The following RABGAP1L variants were observed in gnomAD, a reference collection of about 807,000 sequenced individuals.
RABGAP1L encodes rab GTPase-activating protein 1-like.
A neutral mutation model predicts 137.7 loss-of-function variants in RABGAP1L; 63 were observed. The observed-to-expected ratio is 0.46, with a 90% CI of 0.37 to 0.56. The LOEUF (loss-of-function observed/expected upper bound fraction) is 0.56. Among genes scored for constraint, RABGAP1L ranks in the 20% least tolerant of loss-of-function variants. The probability of loss-of-function intolerance (pLI) is 0.00; values close to 1 mark genes in which losing one functional copy is unlikely to be tolerated. For missense variants in RABGAP1L, 1,095 were observed against 1,244.0 expected, an observed-to-expected ratio of 0.88 and a Z score of 1.80; for synonymous variants, 431 against 433.7, an observed-to-expected ratio of 0.99 and a Z score of 0.08.
intron 13 of RABGAP1L, among the ~76,000 whole-genome samples, chr1:174,433,905 A>G (rs758106924): frequency 6.6e-6 from 1 of 152,160 alleles, no homozygotes; most frequent in Non-Finnish European, 1.5e-5. Flanking sequence ...TTACATGCAA[A>G]TGCCATCTCA....
chr1:174,516,144 C>CT (rs1662819403), intron 13 of RABGAP1L, among the ~76,000 whole-genome samples: 1 of 143,552 alleles, frequency 7.0e-6, no homozygotes, highest in Non-Finnish European at 1.6e-5. Context: ...CACACACACA[C>CT]ACACACACAC....
intron 19 of RABGAP1L, among the ~76,000 whole-genome samples, chr1:174,895,876 T>C (rs1657069200): frequency 1.3e-5 from 2 of 152,236 alleles, no homozygotes. Flanking sequence ...AGGTCTTTGC[T>C]ATTGTGAATA....
At position 174,633,060 on chromosome 1, in the gene RABGAP1L, G is replaced by T. The variant is rs565134568; in HGVS notation, c.1711-4315G>T. On this transcript the variant is annotated intron_variant, in intron 13 of 25. Transcript: ENST00000681986. ...CAGTCAGGCAGGAGAAGGAAATAAAGGGTATTCAATTAGGAAAAGAGGAAG... is the reference window on the plus strand; with the variant it reads ...CAGTCAGGCAGGAGAAGGAAATAAATGGTATTCAATTAGGAAAAGAGGAAG... Among the ~76,000 whole-genome samples the T allele has an allele frequency of 1.3e-3, 203 of 152,138 alleles. 1 individual carries two copies. Among genetic ancestry groups the T allele is most frequent in the African/African-American group, 4.6e-3 (191 of 41,476 alleles).
intron 13 of RABGAP1L, among the ~76,000 whole-genome samples, chr1:174,585,846 T>C (rs145763138): frequency 6.6e-6 from 1 of 152,304 alleles, no homozygotes; most frequent in Non-Finnish European, 1.5e-5. Context: ...GAAAATTGTT[T>C]CAAAGGAAGT....
intron 19 of RABGAP1L, among the ~76,000 whole-genome samples, chr1:174,834,188 A>T (rs1325637070): frequency 6.6e-6 from 1 of 152,168 alleles, no homozygotes; most frequent in African/African-American, 2.4e-5. Context: ...GCACTTTGGG[A>T]GGCCAAGGCG....
intron 13 of RABGAP1L, among the ~76,000 whole-genome samples, chr1:174,510,252 C>T (rs1421196050): frequency 6.6e-6 from 1 of 152,116 alleles, no homozygotes; most frequent in East Asian, 1.9e-4. Context: ...TGTTATTTTC[C>T]ATCCATATGT....
intron 19 of RABGAP1L, among the ~76,000 whole-genome samples, chr1:174,901,242 T>C (rs1031412123): frequency 6.6e-6 from 1 of 152,222 alleles, no homozygotes; most frequent in African/African-American, 2.4e-5. Flanking sequence ...TATGTATTAA[T>C]TCGTTCTCAC....
At chr1:174,913,014 C>T (rs1314361858) in intron 19 of RABGAP1L, among the ~76,000 whole-genome samples, 4 of 150,484 alleles carry the variant, frequency 2.7e-5, no homozygotes, top group South Asian at 2.1e-4. Context: ...CTCACTCTGT[C>T]GCCCAGGTTA....
intron 14 of RABGAP1L, among the ~76,000 whole-genome samples, chr1:174,676,404 G>T (rs1427740899): frequency 2.0e-5 from 3 of 152,030 alleles, no homozygotes; most frequent in Admixed American, 6.6e-5. Flanking sequence ...AATTCACTAG[G>T]TTACTGATTC....
At chr1:174,917,626 C>A (rs1308083701) in intron 19 of RABGAP1L, among the ~76,000 whole-genome samples, 1 of 152,072 alleles carries the variant, frequency 6.6e-6, no homozygotes, top group East Asian at 1.9e-4. Context: ...TATAGTAATT[C>A]TTCACTTCAA....
At chr1:174,275,239 C>G (rs1674885862) in intron 8 of RABGAP1L, 2 of 151,952 alleles carry the variant, frequency 1.3e-5, no homozygotes, top group African/African-American at 4.8e-5. Flanking sequence ...ATGCTGCTTA[C>G]AAACCAAAAA....
intron 17 of RABGAP1L, among the ~76,000 whole-genome samples, chr1:174,743,558 C>G (rs966701724): frequency 6.6e-6 from 1 of 152,098 alleles, no homozygotes; most frequent in South Asian, 2.1e-4. Flanking sequence ...CTAAAAATTT[C>G]TTTCCTTGTT....
intron 11 of RABGAP1L, among the ~76,000 whole-genome samples, chr1:174,308,602 C>T (rs1678523953): frequency 6.6e-6 from 1 of 152,144 alleles, no homozygotes; most frequent in South Asian, 2.1e-4. Context: ...TGTGGATATC[C>T]AGTTTTTCCA....
intron 13 of RABGAP1L, among the ~76,000 whole-genome samples, chr1:174,572,528 A>G (rs988448978): frequency 6.6e-6 from 1 of 152,006 alleles, no homozygotes; most frequent in African/African-American, 2.4e-5. Context: ...GACTACAGGC[A>G]TGCACCACCA....
At position 174,993,518 on chromosome 1, in the gene RABGAP1L, C is replaced by T. The variant is rs550980030; in HGVS notation, c.*3517C>T. 2.6e-5 allele frequency: 4 copies of T among 152,282 alleles called. No homozygotes were observed. The highest frequency in any genetic ancestry group is 2.1e-4 in the South Asian group (1 of 4,828). The allele number at this position is 152,282 out of a possible 1,614,324, so 9.4% of individuals were successfully genotyped here. A position where few individuals can be genotyped will look rare whatever the true frequency, so the allele number is the denominator to read the frequency against. On this transcript the variant is annotated 3_prime_UTR_variant, in exon 26 of 26. Transcript: ENST00000681986. ...TTCCTAGCTGAAGTGAGAAAACCAA[C>T]GGAAAACAATACAGATTTGGGCAGA...
At chr1:174,645,743 G>T (rs1465183234) in intron 14 of RABGAP1L, among the ~76,000 whole-genome samples, 4 of 152,198 alleles carry the variant, frequency 2.6e-5, no homozygotes, top group Non-Finnish European at 5.9e-5. Flanking sequence ...CAGTAATGGG[G>T]TGGCTGGGTC....
intron 17 of RABGAP1L, among the ~76,000 whole-genome samples, chr1:174,703,950 A>G (rs1391300910): frequency 2.0e-5 from 3 of 151,838 alleles, no homozygotes; most frequent in Non-Finnish European, 2.9e-5. Flanking sequence ...TTCTGTTGTC[A>G]TTGAGTTGTT....
intron 7 of RABGAP1L, among the ~76,000 whole-genome samples, chr1:174,254,384 G>A (rs1335001927): frequency 7.2e-5 from 11 of 152,004 alleles, no homozygotes; most frequent in African/African-American, 2.2e-4. Context: ...GGTTTGTTAC[G>A]TAGGTATACC....
chr1:174,687,134 C>T (rs1678536398), intron 15 of RABGAP1L, among the ~76,000 whole-genome samples: 1 of 152,134 alleles, frequency 6.6e-6, no homozygotes, highest in Admixed American at 6.6e-5. Flanking sequence ...AAACACCCTC[C>T]CCACCCCGTC....
Sources: allele counts gnomAD v4.1 joint callset (sites outside exome capture counted in the v4.1 genomes callset), GRCh38; gene constraint gnomAD v4.1.1; transcripts MANE v1.5; gene names NCBI Gene and HGNC (gene_info 2026-07-23, HGNC 2026-07-21).